Variants in LITAF observed in about 807,000 individuals in gnomAD.
LITAF encodes lipopolysaccharide-induced tumor necrosis factor-alpha factor.
Under a neutral mutation model 14.5 loss-of-function variants are expected in LITAF, and 9 were observed. That is an observed-to-expected ratio of 0.62 (90% CI 0.37 to 1.08). LITAF has a LOEUF of 1.08. Ranked by LOEUF, LITAF falls within the 50% of genes least tolerant of loss-of-function variation. LITAF has a pLI of 0.01. For missense variants in LITAF, 206 were observed against 213.4 expected, an observed-to-expected ratio of 0.97 and a Z score of 0.22; for synonymous variants, 98 against 88.2, an observed-to-expected ratio of 1.11 and a Z score of -0.62.
chr16:11,629,878 C>T (rs957335438), intron 3 of LITAF, among the ~76,000 whole-genome samples: 3 of 152,154 alleles, frequency 2.0e-5, no homozygotes, highest in African/African-American at 4.8e-5. Flanking sequence ...CACAGCCTGG[C>T]GCATGGCAAG....
chr16:11,626,382 T>C (rs1247820818), intron 3 of LITAF, among the ~76,000 whole-genome samples: 1 of 146,260 alleles, frequency 6.8e-6, no homozygotes, highest in Non-Finnish European at 1.5e-5. Context: ...CTTGCTCTGT[T>C]GCCCAGGCTG....
At chr16:11,611,294 G>A (rs1465139209) in intron 3 of LITAF, among the ~76,000 whole-genome samples, 1 of 152,052 alleles carries the variant, frequency 6.6e-6, no homozygotes, top group African/African-American at 2.4e-5. Flanking sequence ...AATGAGCCAC[G>A]ATCACCCCCC....
intron 1 of LITAF, among the ~76,000 whole-genome samples, chr16:11,571,880 T>C (rs780180444): frequency 5.3e-5 from 8 of 152,088 alleles, no homozygotes; most frequent in Non-Finnish European, 1.0e-4. Flanking sequence ...GGAGATCACT[T>C]GAATCCAGGA....
upstream of LITAF, among the ~76,000 whole-genome samples, chr16:11,590,351 A>C (rs1003327152): frequency 8.5e-6 from 1 of 118,008 alleles, no homozygotes; most frequent in Admixed American, 8.3e-5. Context: ...ATATACATAT[A>C]TAGATGGTAC....
chr16:11,571,039 C>T (rs1476185303), intron 1 of LITAF, among the ~76,000 whole-genome samples: 1 of 152,076 alleles, frequency 6.6e-6, no homozygotes, highest in East Asian at 1.9e-4. Flanking sequence ...CCCCAGGAGC[C>T]TCCAGGAGCA....
upstream of LITAF, among the ~76,000 whole-genome samples, chr16:11,639,733 G>T (rs2141918683): frequency 6.6e-6 from 1 of 152,264 alleles, no homozygotes; most frequent in East Asian, 1.9e-4. Context: ...AGTGGCTCAT[G>T]CCTGTAATCC....
At chr16:11,600,819 AT>A (rs2064922047), upstream of LITAF, among the ~76,000 whole-genome samples, 2 of 152,148 alleles carry the variant, frequency 1.3e-5, no homozygotes, top group Admixed American at 1.3e-4. The surrounding 1 kb of genome is among the most constrained non-coding windows in gnomAD (Gnocchi z 4.1). Context: ...AGCCGTTTTC[AT>A]TACTCAATAA....
chr16:11,577,647 A>G (rs948815104), intron 1 of LITAF, among the ~76,000 whole-genome samples: 1 of 152,180 alleles, frequency 6.6e-6, no homozygotes, highest in Middle Eastern at 3.4e-3. Flanking sequence ...ACAAGAAAAG[A>G]CAAATCTTCC....
rs763590812 is a variant in LITAF, at chr16:11,549,178, G to A, written c.*459C>T. 7 of 454,112 alleles carry A rather than the reference G, an allele frequency of 1.5e-5. No homozygotes were observed. The highest frequency in any genetic ancestry group is 6.9e-5 in the East Asian group (1 of 14,410). The allele number at this position is 454,112 out of a possible 1,614,324, so 28.1% of individuals were successfully genotyped here. A position where few individuals can be genotyped will look rare whatever the true frequency, so the allele number is the denominator to read the frequency against. On this transcript the variant is annotated 3_prime_UTR_variant, in exon 4 of 4. Coordinates refer to ENST00000622633, the MANE Select transcript of LITAF (RefSeq NM_001136472.2). This position sits in a 1 kb window ranked among gnomAD's most constrained non-coding sequence, Gnocchi z 4.6. ...TTTGTCATCAGGGACGGGAAGAGAC[G>A]GATAAGATAATGGTAGGCACTAAAG...
rs1043645264 is a variant in LITAF, at chr16:11,558,016, C to T, written c.-5-1281G>A. On this transcript the variant is annotated intron_variant, in intron 1 of 3. Transcript: ENST00000622633. This position sits in a 1 kb window ranked among gnomAD's most constrained non-coding sequence, Gnocchi z 4.1. ...TTGTGTGGCTGTTTTTCTAACTGGG[C>T]AGGGTTCAGGCTGCCTTAGAAGAGC... is the stretch of plus-strand genomic sequence containing the variant. 2.0e-5 allele frequency among the ~76,000 whole-genome samples: 3 copies of T among 152,114 alleles called. No homozygotes were observed. The highest frequency in any genetic ancestry group is 4.8e-5 in the African/African-American group (2 of 41,410).
At chr16:11,626,768 G>A (rs545960694) in intron 3 of LITAF, among the ~76,000 whole-genome samples, 11 of 152,258 alleles carry the variant, frequency 7.2e-5, no homozygotes, top group South Asian at 6.2e-4. Flanking sequence ...CACCTTGCCC[G>A]GCCTTTTAAA....
chr16:11,549,420 G>T lies in LITAF; in HGVS notation c.*217C>A. 2 of 606,808 alleles carry T rather than the reference G, an allele frequency of 3.3e-6. No homozygotes were observed. Among genetic ancestry groups the T allele is most frequent in the Non-Finnish European group, 6.2e-6 (2 of 323,698 alleles). 37.6% of individuals were successfully genotyped at this position (606,808 alleles called of 1,614,324 possible). A position where few individuals can be genotyped will look rare whatever the true frequency, so the allele number is the denominator to read the frequency against. ...AAACCGTGGAACTGACACTCAAGGG[G>T]AATGTCTTTGCAAGTCCTATGCACG... On this transcript the variant is annotated 3_prime_UTR_variant, in exon 4 of 4. Coordinates refer to ENST00000622633, the MANE Select transcript of LITAF (RefSeq NM_001136472.2). This position sits in a 1 kb window ranked among gnomAD's most constrained non-coding sequence, Gnocchi z 4.6.
chr16:11,584,888 T>G (rs1567253691), intron 1 of LITAF, among the ~76,000 whole-genome samples: 1 of 152,094 alleles, frequency 6.6e-6, no homozygotes. Context: ...AGACAGTGAA[T>G]TACACTTCAA....
upstream of LITAF, among the ~76,000 whole-genome samples, chr16:11,636,724 A>G (rs1245978252): frequency 3.9e-5 from 6 of 152,172 alleles, no homozygotes; most frequent in East Asian, 9.6e-4. Context: ...CACCTGTGCA[A>G]TCTTCCAGCT....
At chr16:11,609,978 C>A (rs772161581) in intron 3 of LITAF, among the ~76,000 whole-genome samples, 2 of 152,182 alleles carry the variant, frequency 1.3e-5, no homozygotes, top group Non-Finnish European at 2.9e-5. Context: ...TTTCAAGGCA[C>A]CAAATGACCC....
chr16:11,588,051 C>A (rs2064825472), upstream of LITAF, among the ~76,000 whole-genome samples: 1 of 152,154 alleles, frequency 6.6e-6, no homozygotes, highest in African/African-American at 2.4e-5. Flanking sequence ...TGTCCCCAGC[C>A]CCAAGTTCTT....
At chr16:11,580,423 A>G (rs1352521350) in intron 1 of LITAF, among the ~76,000 whole-genome samples, 1 of 151,958 alleles carries the variant, frequency 6.6e-6, no homozygotes, top group African/African-American at 2.4e-5. Context: ...ACACCCGGCT[A>G]ATTTTTGTAT....
Position 11,548,303 on chromosome 16 carries a change from C to G in LITAF, c.*1334G>C, listed in dbSNP as rs2064133668. 2.2e-6 allele frequency: 1 copy of G among 454,056 alleles called. No individual in the cohort carries two copies. The allele number at this position is 454,056 out of a possible 1,614,324, so 28.1% of individuals were successfully genotyped here. A position where few individuals can be genotyped will look rare whatever the true frequency, so the allele number is the denominator to read the frequency against. On this transcript the variant is annotated 3_prime_UTR_variant, in exon 4 of 4. Coordinates refer to ENST00000622633, the MANE Select transcript of LITAF (RefSeq NM_001136472.2). ...GATGACACAGCAGCCAACCTAGAAT[C>G]CTGGCTTGCTGCTTGAGTCCTAGAA...
At chr16:11,613,182 G>A (rs1377075979) in intron 3 of LITAF, among the ~76,000 whole-genome samples, 1 of 152,198 alleles carries the variant, frequency 6.6e-6, no homozygotes, top group Non-Finnish European at 1.5e-5. Flanking sequence ...TGGGACTACA[G>A]GCACCTACCA....
Sources: gnomAD v4.1 joint callset for allele counts (sites outside exome capture counted in the v4.1 genomes callset) on GRCh38, gnomAD v4.1.1 for gene constraint, Gnocchi (gnomAD v3.1) non-coding constraint, MANE v1.5 for transcripts, NCBI Gene and HGNC (gene_info 2026-07-23, HGNC 2026-07-21) for gene names.